Variants in FRK observed in about 807,000 individuals in gnomAD.
FRK encodes tyrosine-protein kinase FRK.
Under a neutral mutation model 56.4 loss-of-function variants are expected in FRK, and 51 were observed. The observed-to-expected ratio is 0.90, with a 90% confidence interval of 0.72 to 1.14. FRK has a LOEUF of 1.14. FRK is among the 50% of genes most tolerant of loss of function. FRK has a pLI of 0.00. For missense variants in FRK, 570 were observed against 601.4 expected, an observed-to-expected ratio of 0.95 and a Z score of 0.55; for synonymous variants, 245 against 217.9, an observed-to-expected ratio of 1.12 and a Z score of -1.10.
intron 1 of FRK, chr6:116,039,014 A>G: frequency 1.4e-6 from 1 of 735,204 alleles, no homozygotes; most frequent in Middle Eastern, 3.4e-4. Flanking sequence ...AAGACTGCAA[A>G]GCCAATCGAG....
At position 115,938,258 on chromosome 6, in the gene FRK, A is replaced by C. The variant is rs987543596; in HGVS notation, c.*4156T>G. On this transcript the variant is annotated 3_prime_UTR_variant, in exon 8 of 8. Transcript: ENST00000606080. ...AATAATAAAATTAAGGTAGAAATAA[A>C]GTTGTTCATTGAAACCAATGAGAAC... is the stretch of plus-strand genomic sequence containing the variant. 2 of 152,230 alleles carry C rather than the reference A, an allele frequency of 1.3e-5. No homozygotes were observed. Among genetic ancestry groups the C allele is most frequent in the Admixed American group, 1.3e-4 (2 of 15,280 alleles). 9.4% of individuals were successfully genotyped at this position (152,230 alleles called of 1,614,324 possible). A position where few individuals can be genotyped will look rare whatever the true frequency, so the allele number is the denominator to read the frequency against.
intron 2 of FRK, among the ~76,000 whole-genome samples, chr6:115,977,388 T>C (rs1024538516): frequency 6.6e-6 from 1 of 152,204 alleles, no homozygotes; most frequent in African/African-American, 2.4e-5. Flanking sequence ...CACAGCTGAT[T>C]CATTTTATGC....
chr6:116,092,567 G>C, the FRK span, among the ~76,000 whole-genome samples: 1 of 152,168 alleles, frequency 6.6e-6, no homozygotes, highest in Non-Finnish European at 1.5e-5. Context: ...GCATCAGTAA[G>C]GGCCACTAAA....
intron 4 of FRK, among the ~76,000 whole-genome samples, chr6:115,959,920 C>G (rs957757257): frequency 4.6e-5 from 7 of 151,888 alleles, no homozygotes; most frequent in Admixed American, 4.6e-4. Flanking sequence ...TCGTGGAACC[C>G]TTAGTGTCTC....
chr6:115,956,471 A>T lies in FRK; in HGVS notation c.939T>A (p.Ser313Arg), dbSNP rs1415760772. The change falls in exon 5 of 8, where the codon AGT (serine) becomes AGA (arginine). Residue 313 changes from serine (S) to arginine (R), a missense_variant. Coordinates refer to ENST00000606080, the MANE Select transcript of FRK (RefSeq NM_002031.3). Reference sequence around the variant, plus strand: ...GCTTACTTTGGAGATATTCTTGCAGACTTCCATGTCTCATCAACTCTGTAA... The same window carrying T: ...GCTTACTTTGGAGATATTCTTGCAGTCTTCCATGTCTCATCAACTCTGTAA... ...YIITELMRHG[S>R]LQEYLQNDTG... 1.3e-6 allele frequency: 2 copies of T among 1,534,578 alleles called. No homozygotes were observed. Among genetic ancestry groups the T allele is most frequent in the Admixed American group, 2.0e-5 (1 of 49,126 alleles).
At chr6:115,972,417 G>A (rs1030195791) in intron 2 of FRK, among the ~76,000 whole-genome samples, 2 of 152,168 alleles carry the variant, frequency 1.3e-5, no homozygotes, top group Non-Finnish European at 2.9e-5. Context: ...TGCAGAGGGT[G>A]GAGAGTTAGC....
the FRK span, among the ~76,000 whole-genome samples, chr6:116,093,156 T>C: frequency 6.6e-6 from 1 of 152,136 alleles, no homozygotes; most frequent in Admixed American, 6.5e-5. Flanking sequence ...CTTACCCCCA[T>C]AGCCTAGCCT....
chr6:115,972,272 T>C (rs770986252), intron 2 of FRK, among the ~76,000 whole-genome samples: 4 of 152,154 alleles, frequency 2.6e-5, no homozygotes, highest in Non-Finnish European at 5.9e-5. Flanking sequence ...CCTGAGATAA[T>C]ATTTACACAT....
intron 1 of FRK, among the ~76,000 whole-genome samples, chr6:116,031,257 T>C (rs892864827): frequency 9.2e-5 from 14 of 152,118 alleles, no homozygotes; most frequent in African/African-American, 3.4e-4. Context: ...AAAAGTGGAA[T>C]ATGTACACTG....
At chr6:116,000,205 A>G (rs539646174) in intron 2 of FRK, among the ~76,000 whole-genome samples, 1 of 131,184 alleles carries the variant, frequency 7.6e-6, no homozygotes, top group East Asian at 2.3e-4. Flanking sequence ...TGTTTTCCTC[A>G]TGAAAATATC....
At chr6:116,005,513 G>A (rs1377236686) in intron 1 of FRK, among the ~76,000 whole-genome samples, 1 of 152,162 alleles carries the variant, frequency 6.6e-6, no homozygotes, top group Non-Finnish European at 1.5e-5. Flanking sequence ...TAAATGTAAA[G>A]AGAGTAGAAA....
rs1249950260 is a variant in FRK, at chr6:115,996,514, G to GA, written c.466+7362dup. 2.0e-5 allele frequency among the ~76,000 whole-genome samples: 3 copies of GA among 152,196 alleles called. No individual in the cohort carries two copies. The East Asian group carries it at 5.8e-4, about 29-fold the overall frequency. On this transcript the variant is annotated intron_variant, in intron 2 of 7. Coordinates refer to ENST00000606080, the MANE Select transcript of FRK (RefSeq NM_002031.3). Reference sequence around the variant, plus strand: ...TCCTCTACAAAAGTCTTATTACCTGGAAAAAACTGACCTGTCAAGGTGTGA... The same window carrying GA: ...TCCTCTACAAAAGTCTTATTACCTGGAAAAAAACTGACCTGTCAAGGTGTGA...
At chr6:116,032,013 T>C (rs1776318917) in intron 1 of FRK, among the ~76,000 whole-genome samples, 2 of 152,064 alleles carry the variant, frequency 1.3e-5, no homozygotes, top group Non-Finnish European at 1.5e-5. Flanking sequence ...ATCCAAAATA[T>C]ACACAAGAGG....
intron 1 of FRK, among the ~76,000 whole-genome samples, chr6:116,025,602 C>G (rs915603541): frequency 6.6e-6 from 1 of 152,148 alleles, no homozygotes; most frequent in African/African-American, 2.4e-5. Flanking sequence ...AAGCTTGAAA[C>G]CACATTCTTG....
the FRK span, among the ~76,000 whole-genome samples, chr6:116,091,265 T>A: frequency 6.6e-6 from 1 of 152,112 alleles, no homozygotes; most frequent in Non-Finnish European, 1.5e-5. Flanking sequence ...TGTGTCTAGC[T>A]AAAGGATTGT....
intron 4 of FRK, among the ~76,000 whole-genome samples, chr6:115,963,086 C>CA (rs1413313075): frequency 8.0e-5 from 4 of 50,088 alleles, no homozygotes; most frequent in South Asian, 1.2e-3. Context: ...AAAAAACCTT[C>CA]AAAAAATCAA....
chr6:115,958,728 A>G lies in FRK; in HGVS notation c.800-2118T>C, dbSNP rs1447596816. Among the ~76,000 whole-genome samples the G allele has an allele frequency of 1.6e-4, 5 of 31,860 alleles. 1 individual carries two copies. The highest frequency in any genetic ancestry group is 5.5e-4 in the African/African-American group (5 of 9,148). 20.9% of individuals were successfully genotyped at this position (31,860 alleles called of 152,430 possible). A position where few individuals can be genotyped will look rare whatever the true frequency, so the allele number is the denominator to read the frequency against. Reference sequence around the variant, plus strand: ...AGAAGAAAGAAAGAAAGAAAGAAAGAAAGAAAGAAAGAAAGAAAGAAAGAA... The same window carrying G: ...AGAAGAAAGAAAGAAAGAAAGAAAGGAAGAAAGAAAGAAAGAAAGAAAGAA... On this transcript the variant is annotated intron_variant, in intron 4 of 7. Transcript: ENST00000606080.
intron 2 of FRK, among the ~76,000 whole-genome samples, chr6:115,975,091 G>C (rs503882): frequency 6.6e-6 from 1 of 152,276 alleles, no homozygotes; most frequent in South Asian, 2.1e-4. Flanking sequence ...AGGTAATTAT[G>C]GCAATACTTT....
chr6:116,001,364 G>A (rs780392743), intron 2 of FRK, among the ~76,000 whole-genome samples: 3 of 151,990 alleles, frequency 2.0e-5, no homozygotes, highest in Non-Finnish European at 4.4e-5. Flanking sequence ...TCTAGATATA[G>A]ATAGATTTAT....
Sources: gnomAD v4.1 joint callset for allele counts (sites outside exome capture counted in the v4.1 genomes callset) on GRCh38, gnomAD v4.1.1 for gene constraint, MANE v1.5 for transcripts, NCBI Gene and HGNC (gene_info 2026-07-23, HGNC 2026-07-21) for gene names.